The following VPS35 variants were observed in gnomAD, a reference collection of about 807,000 sequenced individuals.
The protein encoded by VPS35 is vacuolar protein sorting-associated protein 35.
A neutral mutation model predicts 98.1 loss-of-function variants in VPS35; 21 were observed. The ratio of observed to expected loss-of-function variants is 0.21; its 90% confidence interval spans 0.15 to 0.31. The LOEUF is 0.31. Ranked by LOEUF, VPS35 falls within the 10% of genes least tolerant of loss-of-function variation. VPS35 has a pLI of 1.00. For missense variants in VPS35, 554 were observed against 950.8 expected, an observed-to-expected ratio of 0.58 and a Z score of 5.49; for synonymous variants, 268 against 318.2, an observed-to-expected ratio of 0.84 and a Z score of 1.68.
chr16:46,656,683 T>G lies in VPS35; in HGVS notation c.*3789A>C, dbSNP rs549247027. 7.9e-5 allele frequency: 12 copies of G among 152,350 alleles called. No individual in the cohort carries two copies. The highest frequency in any genetic ancestry group is 2.9e-4 in the African/African-American group (12 of 41,588). The allele number at this position is 152,350 out of a possible 1,614,324, so 9.4% of individuals were successfully genotyped here. A position where few individuals can be genotyped will look rare whatever the true frequency, so the allele number is the denominator to read the frequency against. On this transcript the variant is annotated 3_prime_UTR_variant, in exon 17 of 17. Transcript: ENST00000299138. Reference sequence around the variant, plus strand: ...TTTACTTATTTGAAGACACTACTGATGCAAGCCTGAACACAGCAATGAGTG... The same window carrying G: ...TTTACTTATTTGAAGACACTACTGAGGCAAGCCTGAACACAGCAATGAGTG...
chr16:46,677,511 C>T (rs1966169908), intron 6 of VPS35, 113 bp from the exon 7 acceptor site: 1 of 886,694 alleles, frequency 1.1e-6, no homozygotes, highest in Non-Finnish European at 1.9e-6. Flanking sequence ...AGATTTTTCT[C>T]ACCAAGACTT....
intron 3 of VPS35, chr16:46,681,863 C>A (rs1596724275): frequency 3.5e-6 from 2 of 564,750 alleles, no homozygotes; most frequent in East Asian, 6.1e-5. Context: ...AATTGAGATG[C>A]ACCGACAACA....
rs778575491 is a variant in VPS35 at position 46,668,883 on chromosome 16, T to G, written c.1647+47A>C. On this transcript the variant is annotated intron_variant, in intron 13 of 16. Coordinates refer to ENST00000299138, the MANE Select transcript of VPS35 (RefSeq NM_018206.6). ...AAAACAAACACACACACACTCAGAG[T>G]GATGAAAGAGGAAAAAAAGTACCTA... 14 of 1,610,890 alleles carry G rather than the reference T, an allele frequency of 8.7e-6. No homozygotes were observed. The East Asian group carries it at 3.1e-4, about 36-fold the overall frequency.
At position 46,660,311 on chromosome 16, in the gene VPS35, G is replaced by A. The variant is rs1965892398; in HGVS notation, c.*161C>T. ...AAGTGAATAATTTTATTAAGGTCCT[G>A]AAGGTGAGTGTCCGGAGGTGCTGGG... On this transcript the variant is annotated 3_prime_UTR_variant, in exon 17 of 17. Transcript: ENST00000299138. 2.9e-6 allele frequency: 2 copies of A among 687,098 alleles called. No individual in the cohort carries two copies. Among genetic ancestry groups the A allele is most frequent in the Non-Finnish European group, 4.8e-6 (2 of 420,794 alleles). The allele number at this position is 687,098 out of a possible 1,614,324, so 42.6% of individuals were successfully genotyped here.
intron 11 of VPS35, 48 bp from the exon 12 acceptor site, chr16:46,671,908 A>C (rs777820089): frequency 6.2e-7 from 1 of 1,608,160 alleles, no homozygotes; most frequent in South Asian, 1.1e-5. Context: ...AACCATTGGC[A>C]TACAAAGCCA....
chr16:46,681,495 C>T lies in VPS35; in HGVS notation c.205G>A (p.Ala69Thr), dbSNP rs1966235127. 5 of 1,612,212 alleles carry T rather than the reference C, an allele frequency of 3.1e-6. No homozygotes were observed. The highest frequency in any genetic ancestry group is 2.5e-6 in the Non-Finnish European group (3 of 1,179,428). ...AAGTAGTGCAGTTCATCAGAAATGG[C>T]CATATCTTTTAATTATGATTAAGGA... is the stretch of plus-strand genomic sequence containing the variant. ...SPKSYYELYM[A>T]ISDELHYLEV... The change falls in exon 4 of 17, where the codon GCC becomes ACC. Residue 69 changes from alanine (A) to threonine (T), a missense_variant. Coordinates refer to ENST00000299138, the MANE Select transcript of VPS35 (RefSeq NM_018206.6).
chr16:46,666,400 C>T (rs1965989800), intron 13 of VPS35, among the ~76,000 whole-genome samples: 1 of 151,980 alleles, frequency 6.6e-6, no homozygotes, highest in Non-Finnish European at 1.5e-5. Context: ...TCCCGAGTAG[C>T]TGGGACTACA....
intron 6 of VPS35, among the ~76,000 whole-genome samples, chr16:46,677,857 C>T (rs763792472): frequency 5.3e-5 from 8 of 152,136 alleles, no homozygotes; most frequent in Non-Finnish European, 8.8e-5. Context: ...TTGTCTAATC[C>T]TAGGTCATAA....
rs1434003195 is a variant in VPS35, at chr16:46,658,799, T to C, written c.*1673A>G. 1 of 152,240 alleles carries C rather than the reference T, an allele frequency of 6.6e-6. No homozygotes were observed. The highest frequency in any genetic ancestry group is 1.5e-5 in the Non-Finnish European group (1 of 68,038). The allele number at this position is 152,240 out of a possible 1,614,324, so 9.4% of individuals were successfully genotyped here. On this transcript the variant is annotated 3_prime_UTR_variant, in exon 17 of 17. Transcript: ENST00000299138. ...ATTTTATAACTTTGGGAAACATCTG[T>C]TCATGTAAAGCCCAGCAAGGGCTAG...
At chr16:46,674,689 T>G (rs2143007806) in intron 8 of VPS35, 29 bp from the exon 9 acceptor site, 1 of 1,531,980 alleles carries the variant, frequency 6.5e-7, no homozygotes, top group Non-Finnish European at 8.9e-7. Context: ...CCCCTTTATT[T>G]TAAAAGATAC....
In VPS35 at chr16:46,657,660, G is replaced by A. The variant is rs1027239941; in HGVS notation, c.*2812C>T. 2 of 152,108 alleles carry A rather than the reference G, an allele frequency of 1.3e-5. No homozygotes were observed. Among genetic ancestry groups the A allele is most frequent in the African/African-American group, 4.8e-5 (2 of 41,416 alleles). 9.4% of individuals were successfully genotyped at this position (152,108 alleles called of 1,614,324 possible). On this transcript the variant is annotated 3_prime_UTR_variant, in exon 17 of 17. Coordinates refer to ENST00000299138, the MANE Select transcript of VPS35 (RefSeq NM_018206.6). ...TGATGACCACCAATTTCAGGCTTGA[G>A]GATGAGTCAGAAACATGAATTTCTA...
rs761703468 is a variant in VPS35 at position 46,674,055 on chromosome 16, CT to C, written c.1160+258del. On this transcript the variant is annotated intron_variant, in intron 10 of 16. Coordinates refer to ENST00000299138, the MANE Select transcript of VPS35 (RefSeq NM_018206.6). The stretch of plus-strand genomic sequence containing the variant: ...AGGGAAGCCAAAAGATTGGATGCCC[CT>C]GACACACAGAAAGGGATCCAAATTG... 5.6e-4 allele frequency: 265 copies of C among 470,574 alleles called. 2 individuals are homozygous for C. The highest frequency in any genetic ancestry group is 3.9e-4 in the Non-Finnish European group (101 of 261,548). 29.1% of individuals were successfully genotyped at this position (470,574 alleles called of 1,614,324 possible). A position where few individuals can be genotyped will look rare whatever the true frequency, so the allele number is the denominator to read the frequency against.
chr16:46,685,208 A>G lies in VPS35; in HGVS notation c.4-1602T>C, dbSNP rs1390944760. Among the ~76,000 whole-genome samples the G allele has an allele frequency of 2.6e-5, 4 of 152,248 alleles. No individual in the cohort carries two copies. In the East Asian group the frequency reaches 7.7e-4, roughly 29 times the overall value. Reference sequence around the variant, plus strand: ...ATTTTTTAAAACAATGACTAAAGACAAAATGCCTCTCACACAATGAGTTGA... The same window carrying G: ...ATTTTTTAAAACAATGACTAAAGACGAAATGCCTCTCACACAATGAGTTGA... On this transcript the variant is annotated intron_variant, in intron 1 of 16. Transcript: ENST00000299138.
At chr16:46,672,778 G>A (rs1253465859) in intron 10 of VPS35, among the ~76,000 whole-genome samples, 1 of 152,198 alleles carries the variant, frequency 6.6e-6, no homozygotes, top group Non-Finnish European at 1.5e-5. Flanking sequence ...ATTTCTAAGG[G>A]AAGTATTTTA....
chr16:46,688,236 A>G, intron 1 of VPS35: 7 of 854,456 alleles, frequency 8.2e-6, no homozygotes, highest in Non-Finnish European at 9.9e-6. Context: ...TAAAGCGGAC[A>G]TACAGTATAT....
At chr16:46,674,287 A>G (rs1466077018) in intron 10 of VPS35, 27 bp downstream of exon 10, 2 of 1,613,066 alleles carry the variant, frequency 1.2e-6, no homozygotes, top group South Asian at 2.2e-5. Context: ...ATCTTTGAGG[A>G]TTTTTACAAA....
chr16:46,688,993 C>G, intron 1 of VPS35, 138 bp downstream of exon 1: 2 of 1,542,620 alleles, frequency 1.3e-6, no homozygotes, highest in South Asian at 2.4e-5. Flanking sequence ...TCCCCTATCC[C>G]GCAGGCCAAA....
At chr16:46,669,475 TG>T (rs1457317825) in intron 12 of VPS35, among the ~76,000 whole-genome samples, 1 of 152,088 alleles carries the variant, frequency 6.6e-6, no homozygotes, top group African/African-American at 2.4e-5. Flanking sequence ...GAGACCAGCC[TG>T]GCCAACATAG....
chr16:46,678,820 T>G, intron 6 of VPS35, 123 bp downstream of exon 6: 1 of 993,336 alleles, frequency 1.0e-6, no homozygotes. Context: ...TTAAGTCTTC[T>G]TCAATAACAG....
Sources: gnomAD v4.1 joint callset for allele counts (sites outside exome capture counted in the v4.1 genomes callset) on GRCh38, gnomAD v4.1.1 for gene constraint, MANE v1.5 for transcripts, NCBI Gene and HGNC (gene_info 2026-07-23, HGNC 2026-07-21) for gene names.